The following PRDM15 variants were observed in gnomAD, a reference collection of about 807,000 sequenced individuals.
PRDM15 encodes the protein PR domain zinc finger protein 15.
Under a neutral mutation model 128.6 loss-of-function variants are expected in PRDM15, and 64 were observed. That is an observed-to-expected ratio of 0.50 (90% CI 0.41 to 0.61). PRDM15 has a LOEUF of 0.61. Among genes scored for constraint, PRDM15 ranks in the 20% least tolerant of loss-of-function variants. The pLI is 0.00. For missense variants in PRDM15, 1,242 were observed against 1,569.1 expected (o/e 0.79, Z 3.52); for synonymous variants, 615 against 621.8 (o/e 0.99, Z 0.16).
At chr21:41,806,045 T>C (rs867023107) in intron 21 of PRDM15, among the ~76,000 whole-genome samples, 1,821 of 15,590 alleles carry the variant, frequency 0.12, 2 homozygotes, top group African/African-American at 0.2. Context: ...ACCACCACCA[T>C]CACCACCACC....
intron 13 of PRDM15, among the ~76,000 whole-genome samples, chr21:41,825,081 C>T (rs1426435169): frequency 6.6e-6 from 1 of 152,232 alleles, no homozygotes; most frequent in Non-Finnish European, 1.5e-5. Flanking sequence ...GCCCAGAGCC[C>T]GCTTGGGAGC....
Position 41,854,654 on chromosome 21 carries a change from C to CG in PRDM15, c.449dup (p.Thr152TyrfsTer49), listed in dbSNP as rs769955399. On this transcript the variant is annotated frameshift_variant, in exon 5 of 24. Transcript: ENST00000398548. LOFTEE classifies it high-confidence loss of function. The surrounding 1 kb of genome is among the most constrained non-coding windows in gnomAD (Gnocchi z 4.6). ...CATACCACACGCGCAGCTCGGTACC[C>CG]GGGGGGATGTCTCTGGAGGTGGTGA... is the stretch of plus-strand genomic sequence containing the variant. 1.9e-6 allele frequency: 3 copies of CG among 1,613,622 alleles called. No individual in the cohort carries two copies. Among genetic ancestry groups the CG allele is most frequent in the African/African-American group, 1.3e-5 (1 of 74,940 alleles).
chr21:41,867,182 TCA>T, intron 1 of PRDM15: 1 of 707,310 alleles, frequency 1.4e-6, no homozygotes, highest in Admixed American at 2.4e-5. Flanking sequence ...GATTTTCTAT[TCA>T]CACACAGAGT....
intron 21 of PRDM15, among the ~76,000 whole-genome samples, chr21:41,805,307 G>C (rs1035714076): frequency 1.6e-4 from 25 of 152,204 alleles, no homozygotes; most frequent in African/African-American, 4.8e-5. Context: ...AGAGACAGCC[G>C]AACGTGATAA....
intron 18 of PRDM15, among the ~76,000 whole-genome samples, chr21:41,816,076 G>A (rs1022748459): frequency 2.0e-5 from 3 of 152,262 alleles, no homozygotes; most frequent in Non-Finnish European, 2.9e-5. Flanking sequence ...GGGCCTGGCC[G>A]AGCCCTGACC....
intron 1 of PRDM15, chr21:41,878,551 C>T: frequency 2.2e-6 from 1 of 454,698 alleles, no homozygotes; most frequent in Non-Finnish European, 3.9e-6. Flanking sequence ...CGGGCCTCAC[C>T]TGAGCGGCCG....
At chr21:41,837,793 C>A in intron 8 of PRDM15, 141 bp downstream of exon 8, 1 of 628,938 alleles carries the variant, frequency 1.6e-6, no homozygotes, top group Non-Finnish European at 2.7e-6. Flanking sequence ...CCAGAACATT[C>A]CTGCTGCCTC....
chr21:41,823,354 C>G lies in PRDM15; in HGVS notation c.1725G>C (p.Val575=). 6.2e-7 allele frequency: 1 copy of G among 1,603,742 alleles called. No individual in the cohort carries two copies. Among genetic ancestry groups the G allele is most frequent in the Non-Finnish European group, 8.5e-7 (1 of 1,175,358 alleles). Reference sequence around the variant, plus strand: ...CATGGATGTGGTCCCTGAGCACATCCACGCGGAAGAACTTGCGCCCGCAGA... The same window carrying G: ...CATGGATGTGGTCCCTGAGCACATCGACGCGGAAGAACTTGCGCCCGCAGA... ...CEICGRKFFR[V]DVLRDHIHVH... The change falls in exon 14 of 24, where the codon GTG becomes GTC. Residue 575 remains valine, a synonymous_variant. Coordinates refer to ENST00000398548, the MANE Select transcript of PRDM15 (RefSeq NM_001040424.3).
chr21:41,815,154 C>G, intron 19 of PRDM15, among the ~76,000 whole-genome samples: 1 of 151,660 alleles, frequency 6.6e-6, no homozygotes, highest in Admixed American at 6.6e-5. Flanking sequence ...CTAGTGTTTT[C>G]TAAGATCTTG....
intron 9 of PRDM15, 80 bp downstream of exon 9, chr21:41,836,388 G>T: frequency 1.4e-6 from 2 of 1,452,760 alleles, no homozygotes; most frequent in Non-Finnish European, 1.9e-6. Flanking sequence ...CCCAAGGAGG[G>T]GAGACTCCGT....
chr21:41,847,896 C>T (rs958066514), intron 5 of PRDM15, among the ~76,000 whole-genome samples: 1 of 152,204 alleles, frequency 6.6e-6, no homozygotes, highest in African/African-American at 2.4e-5. Context: ...ACATGGCATG[C>T]GGTGTAAGCC....
intron 13 of PRDM15, among the ~76,000 whole-genome samples, chr21:41,824,218 G>A (rs796105658): frequency 5.1e-4 from 78 of 152,326 alleles, no homozygotes; most frequent in African/African-American, 1.8e-3. Flanking sequence ...TGAGTGATTC[G>A]CTAGGGAGAG....
Position 41,810,273 on chromosome 21 carries a change from G to C in PRDM15, c.2533C>G (p.Leu845Val), listed in dbSNP as rs1432693091. ...TGTGTGAGCTGAACGTGCTTCTGCAGCATGTACTCGGTCACGTACTTCTTG... is the reference window on the plus strand; with the variant it reads ...TGTGTGAGCTGAACGTGCTTCTGCACCATGTACTCGGTCACGTACTTCTTG... ...CDKKYVTEYM[L>V]QKHVQLTHDK... Residue 845 changes from leucine (L) to valine (V), a missense_variant, in exon 21 of 24, where the codon CTG becomes GTG. Leu to Val is a conservative substitution (Grantham distance 32). Coordinates refer to ENST00000398548, the MANE Select transcript of PRDM15 (RefSeq NM_001040424.3). The surrounding 1 kb of genome is among the most constrained non-coding windows in gnomAD (Gnocchi z 6.4). 1.2e-6 allele frequency: 2 copies of C among 1,613,428 alleles called. No homozygotes were observed. The highest frequency in any genetic ancestry group is 1.7e-6 in the Non-Finnish European group (2 of 1,179,952).
chr21:41,867,841 G>T (rs2064067364), intron 1 of PRDM15, among the ~76,000 whole-genome samples: 1 of 152,132 alleles, frequency 6.6e-6, no homozygotes, highest in Non-Finnish European at 1.5e-5. Context: ...TGAATCACCT[G>T]AGGTCAGGAG....
rs1243160698 is a variant in PRDM15 at position 41,854,701 on chromosome 21, G to C, written c.403C>G (p.Gln135Glu). 1 of 1,613,544 alleles carries C rather than the reference G, an allele frequency of 6.2e-7. No individual in the cohort carries two copies. Among genetic ancestry groups the C allele is most frequent in the South Asian group, 1.1e-5 (1 of 91,078 alleles). Residue 135 changes from glutamine (Q) to glutamate (E), a missense_variant, in exon 5 of 24, where the codon CAG becomes GAG. By Grantham distance (29) the Gln-to-Glu change is conservative. Around this residue, in one of 3 missense-constraint regions of PRDM15, gnomAD observed 612 missense variants for 717.0 expected, o/e 0.85. Transcript: ENST00000398548. This position sits in a 1 kb window ranked among gnomAD's most constrained non-coding sequence, Gnocchi z 4.6. ...EAEHQNLTAY[Q>E]HGSDVYFTTS... Reference sequence around the variant, plus strand: ...GTGAAGTACACGTCGCTGCCGTGCTGGTAGGCCGTCAGGTTCTGGTGCTCG... The same window carrying C: ...GTGAAGTACACGTCGCTGCCGTGCTCGTAGGCCGTCAGGTTCTGGTGCTCG...
Position 41,801,217 on chromosome 21 carries a change from C to A in PRDM15, c.*23G>T. 1 of 1,507,102 alleles carries A rather than the reference C, an allele frequency of 6.6e-7. No individual in the cohort carries two copies. Among genetic ancestry groups the A allele is most frequent in the Non-Finnish European group, 8.8e-7 (1 of 1,132,986 alleles). The allele number at this position is 1,507,102 out of a possible 1,614,324, so 93.4% of individuals were successfully genotyped here. A position where few individuals can be genotyped will look rare whatever the true frequency, so the allele number is the denominator to read the frequency against. The stretch of plus-strand genomic sequence containing the variant: ...CCCAAACATCCCTCTGCAGTTCTTG[C>A]CCCGAGTCTCCCGGAACGCAGCTCA... On this transcript the variant is annotated 3_prime_UTR_variant, in exon 24 of 24. Coordinates refer to ENST00000398548, the MANE Select transcript of PRDM15 (RefSeq NM_001040424.3).
At chr21:41,807,639 G>A (rs773614372) in intron 21 of PRDM15, among the ~76,000 whole-genome samples, 7 of 152,110 alleles carry the variant, frequency 4.6e-5, no homozygotes, top group African/African-American at 1.7e-4. Context: ...TACCCAGACC[G>A]TAAAGTCCAG....
In PRDM15 at chr21:41,854,583, G is replaced by T; in HGVS notation, c.521C>A (p.Ala174Asp). The T allele has an allele frequency of 6.2e-7, 1 of 1,613,268 alleles. No homozygotes were observed. Residue 174 changes from alanine (A) to aspartate (D), a missense_variant, in exon 5 of 24, where the codon GCC (alanine) becomes GAC (aspartate). By Grantham distance (126) the Ala-to-Asp change is moderately radical. Around this residue, in one of 3 missense-constraint regions of PRDM15, gnomAD observed 612 missense variants for 717.0 expected, o/e 0.85. Coordinates refer to ENST00000398548, the MANE Select transcript of PRDM15 (RefSeq NM_001040424.3). The surrounding 1 kb of genome is among the most constrained non-coding windows in gnomAD (Gnocchi z 4.6). The part of the protein sequence containing the change: ...KKMDKPMLKQ[A>D]GSGVHAAGTP... ...CCACATACCGTGGACGCCAGAGCCG[G>T]CCTGCTTCAGCATGGGCTTGTCCAT...
In PRDM15 at chr21:41,821,388, C is replaced by T. The variant is rs1348864248; in HGVS notation, c.1897-158G>A. The stretch of plus-strand genomic sequence containing the variant: ...GGACTCTCAGAGGCTTGATGGGGAA[C>T]TTTTCCGAAGCCATAAGGCCTCATG... On this transcript the variant is annotated intron_variant, in intron 15 of 23. Transcript: ENST00000398548. The surrounding 1 kb of genome is among the most constrained non-coding windows in gnomAD (Gnocchi z 5.4). Among the ~76,000 whole-genome samples the T allele has an allele frequency of 1.3e-5, 2 of 152,172 alleles. No individual in the cohort carries two copies. Among genetic ancestry groups the T allele is most frequent in the Non-Finnish European group, 2.9e-5 (2 of 68,026 alleles).
Sources: gnomAD v4.1 joint callset for allele counts (sites outside exome capture counted in the v4.1 genomes callset) on GRCh38, gnomAD v4.1.1 for gene constraint, gnomAD v4.1.1 regional missense constraint, Gnocchi (gnomAD v3.1) non-coding constraint, MANE v1.5 for transcripts, NCBI Gene and HGNC (gene_info 2026-07-23, HGNC 2026-07-21) for gene names.